PRR16: variants seen among roughly 807,000 people sequenced by gnomAD.
PRR16 encodes protein Largen.
Under a neutral mutation model 18.2 loss-of-function variants are expected in PRR16, and 6 were observed. The observed-to-expected ratio is 0.33, with a 90% CI of 0.18 to 0.65. The LOEUF (loss-of-function observed/expected upper bound fraction) is 0.65, where lower values mean the gene tolerates loss of function less well. Among genes scored for constraint, PRR16 ranks in the 30% least tolerant of loss-of-function variants. PRR16 has a pLI of 0.74. For synonymous variants in PRR16, 151 were observed against 147.8 expected, an observed-to-expected ratio of 1.02 and a Z score of -0.16; for missense variants, 412 against 376.6, an observed-to-expected ratio of 1.09 and a Z score of -0.78.
the PRR16 span, among the ~76,000 whole-genome samples, chr5:120,700,611 G>T: frequency 5.3e-5 from 8 of 151,968 alleles, no homozygotes; most frequent in Non-Finnish European, 1.2e-4. Flanking sequence ...GTGCTTAAAA[G>T]AGTATTGTCC....
At chr5:120,561,801 C>A (rs1580726707) in intron 1 of PRR16, among the ~76,000 whole-genome samples, 2 of 152,150 alleles carry the variant, frequency 1.3e-5, no homozygotes, top group East Asian at 3.9e-4. Flanking sequence ...TAAGGAGAAA[C>A]CTGTTTCTCT....
At chr5:120,650,827 C>T (rs548693579) in intron 1 of PRR16, among the ~76,000 whole-genome samples, 1 of 152,070 alleles carries the variant, frequency 6.6e-6, no homozygotes, top group Non-Finnish European at 1.5e-5. Flanking sequence ...ATTTATAGTC[C>T]TTTGGGTATA....
downstream of PRR16, among the ~76,000 whole-genome samples, chr5:120,691,891 C>T (rs1048410164): frequency 2.6e-5 from 4 of 152,300 alleles, no homozygotes; most frequent in South Asian, 6.2e-4. Flanking sequence ...AAGGGTTTTA[C>T]GTGAATATAA....
the PRR16 span, among the ~76,000 whole-genome samples, chr5:120,698,587 A>G: frequency 2.7e-5 from 4 of 150,896 alleles, no homozygotes; most frequent in African/African-American, 9.8e-5. Flanking sequence ...GATAGTAGGG[A>G]TGACAAGTTT....
chr5:120,633,726 A>G (rs916337781), intron 1 of PRR16, among the ~76,000 whole-genome samples: 1 of 149,876 alleles, frequency 6.7e-6, no homozygotes, highest in African/African-American at 2.4e-5. Flanking sequence ...TTTGTAAAAC[A>G]GTTACTACTA....
the PRR16 span, among the ~76,000 whole-genome samples, chr5:120,698,127 CAG>C: frequency 6.6e-5 from 10 of 152,032 alleles, no homozygotes; most frequent in Admixed American, 6.6e-4. Context: ...TATGGAGAGA[CAG>C]AGAATGGCCG....
At chr5:120,539,863 T>C (rs910123207) in intron 1 of PRR16, among the ~76,000 whole-genome samples, 2 of 152,130 alleles carry the variant, frequency 1.3e-5, no homozygotes, top group African/African-American at 4.8e-5. Flanking sequence ...GGATGAGTAG[T>C]TAACATGTGT....
the PRR16 span, among the ~76,000 whole-genome samples, chr5:120,762,702 C>T: frequency 6.6e-6 from 1 of 152,090 alleles, no homozygotes; most frequent in Non-Finnish European, 1.5e-5. Flanking sequence ...CAGATGAATA[C>T]TTTGCAAGTA....
At chr5:120,550,665 A>G (rs553070805) in intron 1 of PRR16, among the ~76,000 whole-genome samples, 3 of 152,162 alleles carry the variant, frequency 2.0e-5, no homozygotes, top group Non-Finnish European at 4.4e-5. Flanking sequence ...CAACACTAAG[A>G]GGATTAATTA....
chr5:120,505,946 G>GTATATATA (rs10635515), intron 1 of PRR16, among the ~76,000 whole-genome samples: 65 of 141,314 alleles, frequency 4.6e-4, no homozygotes, highest in African/African-American at 1.2e-3. Flanking sequence ...GTGTGTGTGT[G>GTATATATA]TATATATATA....
At chr5:120,566,472 G>A (rs1479182881) in intron 1 of PRR16, among the ~76,000 whole-genome samples, 2 of 152,092 alleles carry the variant, frequency 1.3e-5, no homozygotes, top group African/African-American at 4.8e-5. Flanking sequence ...TGAGCTTTAT[G>A]TATATTATTT....
At chr5:120,624,835 G>C (rs1754807499) in intron 1 of PRR16, among the ~76,000 whole-genome samples, 1 of 152,046 alleles carries the variant, frequency 6.6e-6, no homozygotes, top group Non-Finnish European at 1.5e-5. Context: ...GGTGGGAGAT[G>C]ATTGAATCAT....
chr5:120,564,210 C>T (rs773116128), intron 1 of PRR16, among the ~76,000 whole-genome samples: 14 of 152,106 alleles, frequency 9.2e-5, no homozygotes, highest in Non-Finnish European at 1.6e-4. Context: ...GCAACGCCTT[C>T]GGTTGGGGGA....
the PRR16 span, among the ~76,000 whole-genome samples, chr5:120,746,288 T>C: frequency 6.6e-6 from 1 of 152,162 alleles, no homozygotes; most frequent in African/African-American, 2.4e-5. Context: ...AAATGAGATA[T>C]GCTCCTAGTC....
At chr5:120,524,320 C>T (rs567884142) in intron 1 of PRR16, among the ~76,000 whole-genome samples, 4 of 152,106 alleles carry the variant, frequency 2.6e-5, no homozygotes, top group Admixed American at 6.5e-5. Context: ...GTATTTAATG[C>T]TAATTGAAAT....
the PRR16 span, among the ~76,000 whole-genome samples, chr5:120,716,392 T>C: frequency 1.3e-5 from 2 of 152,204 alleles, no homozygotes; most frequent in Non-Finnish European, 2.9e-5. Context: ...ATCTACTCCA[T>C]AAACCAGCAT....
At chr5:120,715,535 A>G in the PRR16 span, among the ~76,000 whole-genome samples, 5 of 152,188 alleles carry the variant, frequency 3.3e-5, no homozygotes, top group East Asian at 9.6e-4. Context: ...ATCTCTATTG[A>G]GGACTATTGT....
intron 1 of PRR16, among the ~76,000 whole-genome samples, chr5:120,646,528 G>T (rs769547025): frequency 7.2e-5 from 11 of 151,966 alleles, no homozygotes; most frequent in Non-Finnish European, 1.6e-4. Context: ...GAGAATCTAC[G>T]CTGGGATTAC....
intron 1 of PRR16, among the ~76,000 whole-genome samples, chr5:120,645,660 G>A (rs1023701219): frequency 3.8e-4 from 58 of 152,102 alleles, no homozygotes; most frequent in African/African-American, 1.3e-3. Context: ...AGTGGTTTAA[G>A]GATACATATG....
Sources: gnomAD v4.1 joint callset for allele counts (sites outside exome capture counted in the v4.1 genomes callset) on GRCh38, gnomAD v4.1.1 for gene constraint, MANE v1.5 for transcripts, NCBI Gene and HGNC (gene_info 2026-07-23, HGNC 2026-07-21) for gene names.